The following CYB5A variants were observed in gnomAD, a reference collection of about 807,000 sequenced individuals.
CYB5A encodes cytochrome b5.
In CYB5A, 10 loss-of-function variants were observed where a neutral mutation model predicts 16.2. That is an observed-to-expected ratio of 0.62 (90% CI 0.38 to 1.04). The LOEUF (loss-of-function observed/expected upper bound fraction) is 1.04, where lower values mean the gene tolerates loss of function less well. Ranked by LOEUF, CYB5A falls within the 50% of genes least tolerant of loss-of-function variation. The probability of loss-of-function intolerance (pLI) is 0.01; values close to 1 mark genes in which losing one functional copy is unlikely to be tolerated. For missense variants in CYB5A, 161 were observed against 165.9 expected, an observed-to-expected ratio of 0.97 and a Z score of 0.16; for synonymous variants, 62 against 57.0, an observed-to-expected ratio of 1.09 and a Z score of -0.40.
intron 1 of CYB5A, among the ~76,000 whole-genome samples, chr18:74,288,517 G>GT (rs777566888): frequency 6.6e-6 from 1 of 152,220 alleles, no homozygotes; most frequent in Non-Finnish European, 1.5e-5. Flanking sequence ...ATGAAATTCT[G>GT]GAGCCTTTCA....
At chr18:74,276,172 G>A (rs1315627442) in intron 1 of CYB5A, among the ~76,000 whole-genome samples, 3 of 152,090 alleles carry the variant, frequency 2.0e-5, no homozygotes, top group Admixed American at 1.3e-4. Context: ...AGGCTTAGAG[G>A]TGCAAAGGAC....
intron 4 of CYB5A, 70 bp downstream of exon 4, chr18:74,255,671 C>T (rs370701539): frequency 5.7e-5 from 74 of 1,289,966 alleles, no homozygotes; most frequent in Admixed American, 1.7e-4. Context: ...AGGTGGGGGA[C>T]GCACCTTGTC....
Position 74,291,655 on chromosome 18 carries a change from C to A in CYB5A, c.129+92G>T, listed in dbSNP as rs576400124. 5 of 1,579,574 alleles carry A rather than the reference C, an allele frequency of 3.2e-6. No homozygotes were observed. The East Asian group carries it at 9.0e-5, about 28-fold the overall frequency. On this transcript the variant is annotated intron_variant, in intron 1 of 4. Transcript: ENST00000340533. ...GGGGGCGCGCCTAGGCGTAGGTATG[C>A]GGACTCCGGGCCGCGAAAGACAGGT...
intron 1 of CYB5A, 88 bp downstream of exon 1, chr18:74,291,659 C>T (rs993777788): frequency 6.3e-7 from 1 of 1,593,740 alleles, no homozygotes; most frequent in Non-Finnish European, 8.6e-7. Context: ...GGTATGCGGA[C>T]TCCGGGCCGC....
chr18:74,291,635 C>G (rs1983547209), intron 1 of CYB5A, 112 bp downstream of exon 1: 1 of 1,494,846 alleles, frequency 6.7e-7, no homozygotes, highest in Non-Finnish European at 9.2e-7. Context: ...ACTCGGGGGG[C>G]GCGCCTAGGC....
At chr18:74,276,750 G>A (rs779594049) in intron 1 of CYB5A, among the ~76,000 whole-genome samples, 1 of 152,120 alleles carries the variant, frequency 6.6e-6, no homozygotes, top group Non-Finnish European at 1.5e-5. Flanking sequence ...TCCACACCAG[G>A]TCTCCTAACC....
chr18:74,275,656 C>A (rs1018160555), intron 1 of CYB5A, among the ~76,000 whole-genome samples: 1 of 152,114 alleles, frequency 6.6e-6, no homozygotes, highest in Non-Finnish European at 1.5e-5. Flanking sequence ...AATACACAGT[C>A]CGAGCCTCGA....
At chr18:74,267,831 C>T (rs949644838) in intron 1 of CYB5A, among the ~76,000 whole-genome samples, 20 of 152,276 alleles carry the variant, frequency 1.3e-4, no homozygotes, top group Middle Eastern at 6.8e-3. Flanking sequence ...TCCTCCATAA[C>T]GCACTCCTTG....
chr18:74,268,333 G>C (rs1319175999), intron 1 of CYB5A, among the ~76,000 whole-genome samples: 1 of 152,162 alleles, frequency 6.6e-6, no homozygotes, highest in Non-Finnish European at 1.5e-5. Flanking sequence ...CAAGGGCCAA[G>C]AGGTGTCTGG....
intron 1 of CYB5A, among the ~76,000 whole-genome samples, chr18:74,278,626 G>A (rs4891540): frequency 0.1 from 15,178 of 152,174 alleles, 1,003 homozygotes; most frequent in Admixed American, 0.17. Flanking sequence ...CACATTCACA[G>A]AAACATCCTA....
intron 1 of CYB5A, among the ~76,000 whole-genome samples, chr18:74,271,460 G>A (rs764933524): frequency 6.6e-6 from 1 of 152,116 alleles, no homozygotes; most frequent in Non-Finnish European, 1.5e-5. Context: ...TCATCCCACA[G>A]TGCAGTTTGA....
chr18:74,260,804 A>C lies in CYB5A; in HGVS notation c.288+111T>G, dbSNP rs1982167866. On this transcript the variant is annotated intron_variant, in intron 3 of 4. Coordinates refer to ENST00000340533, the MANE Select transcript of CYB5A (RefSeq NM_148923.4). ...CAGTAGGTTACATATTCATTTATCTAGAAAGACCTGTGCTGGCATCAGTCA... is the reference window on the plus strand; with the variant it reads ...CAGTAGGTTACATATTCATTTATCTCGAAAGACCTGTGCTGGCATCAGTCA... 5 of 901,826 alleles carry C rather than the reference A, an allele frequency of 5.5e-6. No individual in the cohort carries two copies. In the East Asian group the frequency reaches 1.2e-4, roughly 22 times the overall value. The allele number at this position is 901,826 out of a possible 1,614,324, so 55.9% of individuals were successfully genotyped here.
intron 1 of CYB5A, among the ~76,000 whole-genome samples, chr18:74,285,843 CAAAA>C (rs58176740): frequency 5.6e-5 from 4 of 70,864 alleles, no homozygotes; most frequent in Non-Finnish European, 9.5e-5. Flanking sequence ...GACCCCATCT[CAAAA>C]AAAAAAAAAA....
intron 2 of CYB5A, among the ~76,000 whole-genome samples, chr18:74,262,563 G>A (rs1421450037): frequency 1.3e-5 from 2 of 152,186 alleles, no homozygotes; most frequent in Non-Finnish European, 2.9e-5. Context: ...GGTACAGTGA[G>A]TAGAATATGG....
intron 2 of CYB5A, chr18:74,261,234 G>A (rs17230146): frequency 0.011 from 4,239 of 388,452 alleles, 65 homozygotes; most frequent in South Asian, 0.038. Context: ...CTCAGATTGC[G>A]ACACGTAATT....
intron 2 of CYB5A, chr18:74,261,457 G>T: frequency 5.5e-6 from 1 of 181,764 alleles, no homozygotes; most frequent in Non-Finnish European, 1.2e-5. Context: ...AGGTGAAGCA[G>T]AAGTGCCACA....
intron 1 of CYB5A, among the ~76,000 whole-genome samples, chr18:74,273,483 C>G (rs546599732): frequency 1.1e-4 from 16 of 152,192 alleles, no homozygotes; most frequent in Non-Finnish European, 2.4e-4. Context: ...CAGAAACAAG[C>G]TTTTCATTTC....
At chr18:74,256,525 TCTC>T (rs1356534084) in intron 3 of CYB5A, 1 of 412,572 alleles carries the variant, frequency 2.4e-6, no homozygotes, top group Non-Finnish European at 4.2e-6. Context: ...AACGCATACT[TCTC>T]CAACAGCTGA....
intron 1 of CYB5A, among the ~76,000 whole-genome samples, chr18:74,268,767 G>A (rs112244418): frequency 0.01 from 1,529 of 152,294 alleles, 24 homozygotes; most frequent in South Asian, 0.031. Context: ...CAACTGAATG[G>A]AAGATGGGGC....
Sources: gnomAD v4.1 joint callset for allele counts (sites outside exome capture counted in the v4.1 genomes callset) on GRCh38, gnomAD v4.1.1 for gene constraint, MANE v1.5 for transcripts, NCBI Gene and HGNC (gene_info 2026-07-23, HGNC 2026-07-21) for gene names.